The following EIF4E1B variants were observed in gnomAD, a reference collection of about 807,000 sequenced individuals.
EIF4E1B encodes the protein eukaryotic translation initiation factor 4E family member 1B, also known as eukaryotic translation initiation factor 4E type 1B.
Under a neutral mutation model 31.3 loss-of-function variants are expected in EIF4E1B, and 22 were observed. The ratio of observed to expected loss-of-function variants is 0.70; its 90% CI spans 0.50 to 1.00. The LOEUF (loss-of-function observed/expected upper bound fraction) is 1.00, where lower values mean the gene tolerates loss of function less well. Among genes scored for constraint, EIF4E1B ranks in the 50% least tolerant of loss-of-function variants. The probability of loss-of-function intolerance (pLI) is 0.00; values close to 1 mark genes in which losing one functional copy is unlikely to be tolerated. For missense variants in EIF4E1B, 290 were observed against 311.6 expected (o/e 0.93, Z 0.52); for synonymous variants, 126 against 120.2 (o/e 1.05, Z -0.31).
In EIF4E1B at chr5:176,642,856, C is replaced by CCCA. The variant is rs1374979870; in HGVS notation, c.15+56_15+57insACC. On this transcript the variant is annotated intron_variant, in intron 3 of 8. Coordinates refer to ENST00000318682, the MANE Select transcript of EIF4E1B (RefSeq NM_001099408.2). The stretch of plus-strand genomic sequence containing the variant: ...TGCACCATGGCCCCGCCCTCTCCCC[C>CCCA]CCCCCCCCCGCCCCAGGTGGGCGGG... 4.7e-6 allele frequency: 6 copies of CCCA among 1,270,858 alleles called. No individual in the cohort carries two copies. In the African/African-American group the frequency reaches 1.2e-4, roughly 26 times the overall value. 78.7% of individuals were successfully genotyped at this position (1,270,858 alleles called of 1,614,324 possible). A position where few individuals can be genotyped will look rare whatever the true frequency, so the allele number is the denominator to read the frequency against.
At chr5:176,639,123 C>T (rs1273512404) in intron 1 of EIF4E1B, among the ~76,000 whole-genome samples, 2 of 152,084 alleles carry the variant, frequency 1.3e-5, no homozygotes, top group African/African-American at 4.8e-5. Context: ...AAAGAAGTTA[C>T]GTGACCAGAT....
intron 1 of EIF4E1B, among the ~76,000 whole-genome samples, chr5:176,635,825 C>T (rs369051974): frequency 7.3e-5 from 11 of 151,164 alleles, no homozygotes; most frequent in African/African-American, 2.7e-4. Flanking sequence ...TCTTTCTTTC[C>T]TTTTTTTTTG....
chr5:176,635,840 G>GTT (rs1760483338), intron 1 of EIF4E1B, among the ~76,000 whole-genome samples: 1 of 151,326 alleles, frequency 6.6e-6, no homozygotes, highest in African/African-American at 2.4e-5. Flanking sequence ...TTTTTGAGAC[G>GTT]GAGTCTAGCT....
rs900197990 is a variant in EIF4E1B at position 176,645,890 on chromosome 5, C to T, written c.639C>T (p.Gly213=). Residue 213 remains glycine (G), a synonymous_variant, in exon 9 of 9, where the codon GGC becomes GGT. Transcript: ENST00000318682. This position sits in a 1 kb window ranked among gnomAD's most constrained non-coding sequence, Gnocchi z 5.4. ...HVGRVYKERL[G]LSPKTIIGYQ... ...GGCGTGTATACAAAGAGCGCCTGGG[C>T]CTCTCCCCAAAGACCATCATTGGGT... The T allele has an allele frequency of 4.4e-6, 7 of 1,603,226 alleles. No individual in the cohort carries two copies. The African/African-American group carries it at 9.4e-5, about 22-fold the overall frequency.
Position 176,646,051 on chromosome 5 carries a change from C to T in EIF4E1B, c.*71C>T, listed in dbSNP as rs1010861282. On this transcript the variant is annotated 3_prime_UTR_variant, in exon 9 of 9. Transcript: ENST00000318682. ...AGCCTCATTACTTTGGGGGATGGGG[C>T]GGGACTGGGGATCAGACAGCCTAGT... 13 of 1,355,914 alleles carry T rather than the reference C, an allele frequency of 9.6e-6. No individual in the cohort carries two copies. Among genetic ancestry groups the T allele is most frequent in the African/African-American group, 8.8e-5 (6 of 68,270 alleles). 84.0% of individuals were successfully genotyped at this position (1,355,914 alleles called of 1,614,324 possible).
chr5:176,645,645 C>A lies in EIF4E1B; in HGVS notation c.614+129C>A. ...GCCTCCCTCCCTTCTGCCTTGCCCA[C>A]CTGTATGGAAGGTCTGGCGTTCAGA... is the stretch of plus-strand genomic sequence containing the variant. On this transcript the variant is annotated intron_variant, in intron 8 of 8. Coordinates refer to ENST00000318682, the MANE Select transcript of EIF4E1B (RefSeq NM_001099408.2). The surrounding 1 kb of genome is among the most constrained non-coding windows in gnomAD (Gnocchi z 5.4). 7.5e-7 allele frequency: 1 copy of A among 1,336,282 alleles called. No homozygotes were observed. Among genetic ancestry groups the A allele is most frequent in the Non-Finnish European group, 9.9e-7 (1 of 1,007,188 alleles). The allele number at this position is 1,336,282 out of a possible 1,614,324, so 82.8% of individuals were successfully genotyped here.
chr5:176,640,690 T>C (rs1311200385), intron 1 of EIF4E1B, among the ~76,000 whole-genome samples: 2 of 152,214 alleles, frequency 1.3e-5, no homozygotes, highest in Non-Finnish European at 2.9e-5. Flanking sequence ...GAAAAGCATA[T>C]CTGATTGCCT....
rs1760532328 is a variant in EIF4E1B at position 176,638,712 on chromosome 5, A to G, written c.-201-3331A>G. 6.6e-6 allele frequency among the ~76,000 whole-genome samples: 1 copy of G among 152,224 alleles called. No homozygotes were observed. The highest frequency in any genetic ancestry group is 1.5e-5 in the Non-Finnish European group (1 of 68,038). On this transcript the variant is annotated intron_variant, in intron 1 of 8. Coordinates refer to ENST00000318682, the MANE Select transcript of EIF4E1B (RefSeq NM_001099408.2). The surrounding 1 kb of genome is among the most constrained non-coding windows in gnomAD (Gnocchi z 4.3). ...GGCATGGGAGGCTGGATCGCCTAAG[A>G]ACCTTGCAAGCCCAGGACCTGGACT...
At chr5:176,639,590 T>C (rs1760543840) in intron 1 of EIF4E1B, among the ~76,000 whole-genome samples, 2 of 152,026 alleles carry the variant, frequency 1.3e-5, no homozygotes, top group African/African-American at 4.8e-5. Context: ...TGCCCGGTAC[T>C]GGGGGGAGCC....
chr5:176,644,130 A>AG, intron 5 of EIF4E1B: 1 of 573,272 alleles, frequency 1.7e-6, no homozygotes, highest in South Asian at 2.2e-5. Context: ...CTGTAGCTGG[A>AG]GGGGGGAGCA....
At chr5:176,644,590 T>G in intron 6 of EIF4E1B, 151 bp downstream of exon 6, 5 of 872,994 alleles carry the variant, frequency 5.7e-6, no homozygotes, top group Non-Finnish European at 8.6e-6. Context: ...GGAAATGCTC[T>G]ACAGGAGCCC....
chr5:176,640,912 A>G lies in EIF4E1B; in HGVS notation c.-201-1131A>G, dbSNP rs78369015. 3.0e-3 allele frequency among the ~76,000 whole-genome samples: 458 copies of G among 152,092 alleles called. 3 individuals carry two copies. Among genetic ancestry groups the G allele is most frequent in the African/African-American group, 0.011 (444 of 41,454 alleles). On this transcript the variant is annotated intron_variant, in intron 1 of 8. Coordinates refer to ENST00000318682, the MANE Select transcript of EIF4E1B (RefSeq NM_001099408.2). ...CCGACCCAGTTAATTATTTCCTATT[A>G]TTTCTTGTTTATGCTTTAGGTCTTT...
At chr5:176,636,679 AGGGGAACC>A (rs1477148836) in intron 1 of EIF4E1B, among the ~76,000 whole-genome samples, 1 of 152,208 alleles carries the variant, frequency 6.6e-6, no homozygotes, top group Non-Finnish European at 1.5e-5. Context: ...GAGAACAGGG[AGGGGAACC>A]GGGGACATTT....
chr5:176,645,598 G>A lies in EIF4E1B; in HGVS notation c.614+82G>A, dbSNP rs766769815. On this transcript the variant is annotated intron_variant, in intron 8 of 8. Transcript: ENST00000318682. This position sits in a 1 kb window ranked among gnomAD's most constrained non-coding sequence, Gnocchi z 5.4. ...GGTGGAGGGGGCTTGGCCTGCATGG[G>A]AGACCTCTGAAAGTCTCCATAGCCT... The A allele has an allele frequency of 9.0e-6, 13 of 1,442,694 alleles. No individual in the cohort carries two copies. The highest frequency in any genetic ancestry group is 1.4e-5 in the African/African-American group (1 of 70,170). 89.4% of individuals were successfully genotyped at this position (1,442,694 alleles called of 1,614,324 possible). A position where few individuals can be genotyped will look rare whatever the true frequency, so the allele number is the denominator to read the frequency against.
chr5:176,644,981 G>A, intron 6 of EIF4E1B, 149 bp from the exon 7 acceptor site: 1 of 672,992 alleles, frequency 1.5e-6, no homozygotes, highest in Non-Finnish European at 2.6e-6. Context: ...GTGGCTGGGG[G>A]TGGAACCTGC....
chr5:176,643,376 G>A lies in EIF4E1B; in HGVS notation c.200+110G>A, dbSNP rs1480568176. 1.3e-5 allele frequency: 17 copies of A among 1,349,332 alleles called. No individual in the cohort carries two copies. In the South Asian group the frequency reaches 1.7e-4, roughly 14 times the overall value. 83.6% of individuals were successfully genotyped at this position (1,349,332 alleles called of 1,614,324 possible). On this transcript the variant is annotated intron_variant, in intron 4 of 8. Coordinates refer to ENST00000318682, the MANE Select transcript of EIF4E1B (RefSeq NM_001099408.2). ...CTCTCTTGGCCCTAGCTCTTCATCC[G>A]TGGGAGGCCAGGGCTGACCTAAGCC...
chr5:176,632,705 T>C (rs1350344374), intron 1 of EIF4E1B, among the ~76,000 whole-genome samples: 3 of 152,220 alleles, frequency 2.0e-5, no homozygotes, highest in African/African-American at 7.2e-5. Flanking sequence ...ATTTTACTTG[T>C]GTTATTTTAA....
At position 176,645,304 on chromosome 5, in the gene EIF4E1B, A is replaced by C. The variant is rs1760672535; in HGVS notation, c.474+61A>C. On this transcript the variant is annotated intron_variant, in intron 7 of 8. Coordinates refer to ENST00000318682, the MANE Select transcript of EIF4E1B (RefSeq NM_001099408.2). This position sits in a 1 kb window ranked among gnomAD's most constrained non-coding sequence, Gnocchi z 5.4. Reference sequence around the variant, plus strand: ...CGGGCTGTGTGGGTCTCATGGTGGCAGTGGTCTCAAGGATGGCAGGCCAGT... The same window carrying C: ...CGGGCTGTGTGGGTCTCATGGTGGCCGTGGTCTCAAGGATGGCAGGCCAGT... 1 of 1,575,058 alleles carries C rather than the reference A, an allele frequency of 6.3e-7. No individual in the cohort carries two copies. The highest frequency in any genetic ancestry group is 8.7e-7 in the Non-Finnish European group (1 of 1,155,982).
chr5:176,642,880 G>A, intron 3 of EIF4E1B, 78 bp downstream of exon 3: 2 of 1,504,368 alleles, frequency 1.3e-6, no homozygotes, highest in Admixed American at 2.0e-5. Flanking sequence ...CAGGTGGGCG[G>A]GGCAGGTGCT....
Sources: allele counts gnomAD v4.1 joint callset (sites outside exome capture counted in the v4.1 genomes callset), GRCh38; gene constraint gnomAD v4.1.1; non-coding constraint Gnocchi (gnomAD v3.1); transcripts MANE v1.5; gene names NCBI Gene and HGNC (gene_info 2026-07-23, HGNC 2026-07-21).